The following PPARGC1A variants were observed in gnomAD, a reference collection of about 807,000 sequenced individuals.
PPARGC1A encodes PPARG coactivator 1 alpha.
Under a neutral mutation model 88.7 loss-of-function variants are expected in PPARGC1A, and 25 were observed. The ratio of observed to expected loss-of-function variants is 0.28; its 90% CI spans 0.21 to 0.39. PPARGC1A has a LOEUF of 0.39. Ranked by LOEUF, PPARGC1A falls within the 10% of genes least tolerant of loss-of-function variation. The probability of loss-of-function intolerance (pLI) is 1.00; values close to 1 mark genes in which losing one functional copy is unlikely to be tolerated. For synonymous variants in PPARGC1A, 363 were observed against 355.6 expected, an observed-to-expected ratio of 1.02 and a Z score of -0.24; for missense variants, 880 against 968.7, an observed-to-expected ratio of 0.91 and a Z score of 1.22.
At chr4:24,333,099 G>T in the PPARGC1A span, among the ~76,000 whole-genome samples, 1 of 152,108 alleles carries the variant, frequency 6.6e-6, no homozygotes, top group East Asian at 1.9e-4. Flanking sequence ...AAAATTAGCT[G>T]GGCGTGGTGA....
At chr4:24,110,699 G>A in the PPARGC1A span, among the ~76,000 whole-genome samples, 2 of 152,252 alleles carry the variant, frequency 1.3e-5, no homozygotes, top group African/African-American at 4.8e-5. Flanking sequence ...AAAGGAAAGA[G>A]AACTAACACT....
chr4:24,081,788 G>A, the PPARGC1A span, among the ~76,000 whole-genome samples: 1 of 151,430 alleles, frequency 6.6e-6, no homozygotes, highest in African/African-American at 2.4e-5. Context: ...TCCTTGACCA[G>A]TGAACAGAGA....
At chr4:24,239,065 A>C in the PPARGC1A span, among the ~76,000 whole-genome samples, 195 of 152,282 alleles carry the variant, frequency 1.3e-3, no homozygotes, top group African/African-American at 4.5e-3. Context: ...TATTAGTATA[A>C]TAAGTTGGAT....
the PPARGC1A span, among the ~76,000 whole-genome samples, chr4:24,418,296 A>G: frequency 2.6e-5 from 4 of 152,232 alleles, no homozygotes; most frequent in Non-Finnish European, 5.9e-5. Context: ...ACAGAGGGCC[A>G]TCCACATCTA....
rs2279525 is a variant in PPARGC1A, at chr4:23,792,629, T to C, written c.*3193A>G. 49,653 of 152,194 alleles carry C rather than the reference T, an allele frequency of 0.33. 8,409 individuals carry two copies. The highest frequency in any genetic ancestry group is 0.41 in the African/African-American group (17,099 of 41,384). The allele number at this position is 152,194 out of a possible 1,614,324, so 9.4% of individuals were successfully genotyped here. The stretch of plus-strand genomic sequence containing the variant: ...TTTTAAAAAAGAAAAAAATCCACAT[T>C]ACTAAAGCACCAGTTCGGTTACCAA... On this transcript the variant is annotated 3_prime_UTR_variant, in exon 13 of 13. Transcript: ENST00000264867.
At chr4:24,391,071 ATAT>A in the PPARGC1A span, among the ~76,000 whole-genome samples, 2 of 152,128 alleles carry the variant, frequency 1.3e-5, no homozygotes, top group African/African-American at 4.8e-5. Flanking sequence ...TAAAAGTAAA[ATAT>A]TATTATGAAA....
chr4:23,818,282 C>A (rs1256357123), intron 7 of PPARGC1A, among the ~76,000 whole-genome samples: 1 of 152,268 alleles, frequency 6.6e-6, no homozygotes, highest in South Asian at 2.1e-4. Context: ...CCATTACAGG[C>A]TGAAGGCTGA....
At chr4:24,394,557 A>G in the PPARGC1A span, among the ~76,000 whole-genome samples, 28 of 152,238 alleles carry the variant, frequency 1.8e-4, no homozygotes, top group African/African-American at 5.8e-4. Flanking sequence ...AGATCAGCTC[A>G]TTTGAGATAA....
chr4:24,442,221 T>C, the PPARGC1A span, among the ~76,000 whole-genome samples: 2 of 152,240 alleles, frequency 1.3e-5, no homozygotes, highest in African/African-American at 4.8e-5. Flanking sequence ...TATCTCTACC[T>C]CTTGCTGTTT....
At chr4:24,466,139 G>C in the PPARGC1A span, among the ~76,000 whole-genome samples, 1 of 152,144 alleles carries the variant, frequency 6.6e-6, no homozygotes, top group African/African-American at 2.4e-5. Flanking sequence ...AAACCAAAAA[G>C]AATGGTCAAC....
chr4:24,221,136 A>G, the PPARGC1A span, among the ~76,000 whole-genome samples: 1 of 152,234 alleles, frequency 6.6e-6, no homozygotes, highest in South Asian at 2.1e-4. Context: ...ACAGAGAATG[A>G]GACGGGGAGT....
chr4:24,268,898 G>A, the PPARGC1A span, among the ~76,000 whole-genome samples: 2 of 152,142 alleles, frequency 1.3e-5, no homozygotes. Context: ...ATCGAGTACT[G>A]TTGTAAGAAC....
At chr4:24,320,259 TTC>T in the PPARGC1A span, among the ~76,000 whole-genome samples, 4 of 152,240 alleles carry the variant, frequency 2.6e-5, no homozygotes, top group Admixed American at 2.6e-4. Flanking sequence ...ACCATCTATC[TTC>T]TGTTTCACAT....
At chr4:24,061,362 T>G in the PPARGC1A span, among the ~76,000 whole-genome samples, 1 of 152,252 alleles carries the variant, frequency 6.6e-6, no homozygotes, top group Non-Finnish European at 1.5e-5. Flanking sequence ...GCACCCTGAA[T>G]GAGGCAAGTC....
At chr4:24,389,081 T>C in the PPARGC1A span, among the ~76,000 whole-genome samples, 3 of 152,148 alleles carry the variant, frequency 2.0e-5, no homozygotes, top group African/African-American at 7.2e-5. Context: ...TTAGCAAGTT[T>C]CCCTGCATTT....
the PPARGC1A span, among the ~76,000 whole-genome samples, chr4:24,111,715 G>A: frequency 1.3e-5 from 2 of 152,138 alleles, no homozygotes; most frequent in East Asian, 3.8e-4. Flanking sequence ...GAAGCTAATT[G>A]CATGCTTAGG....
At chr4:24,123,926 C>G in the PPARGC1A span, among the ~76,000 whole-genome samples, 1 of 120,598 alleles carries the variant, frequency 8.3e-6, no homozygotes. Flanking sequence ...AAAAAAAAAA[C>G]AAAAAAAACA....
chr4:23,867,157 C>T (rs1207015922), intron 2 of PPARGC1A, among the ~76,000 whole-genome samples: 5 of 152,146 alleles, frequency 3.3e-5, no homozygotes, highest in Admixed American at 6.5e-5. Flanking sequence ...ACCCTTTTCA[C>T]GGACATTTTT....
the PPARGC1A span, among the ~76,000 whole-genome samples, chr4:24,218,020 T>C: frequency 6.6e-6 from 1 of 152,196 alleles, no homozygotes; most frequent in Non-Finnish European, 1.5e-5. Context: ...AAAAGGAAGG[T>C]ACTTGTAATA....
Sources: allele counts gnomAD v4.1 joint callset (sites outside exome capture counted in the v4.1 genomes callset), GRCh38; gene constraint gnomAD v4.1.1; transcripts MANE v1.5; gene names NCBI Gene and HGNC (gene_info 2026-07-23, HGNC 2026-07-21).